Variants in USP32 observed in about 807,000 individuals in gnomAD.
USP32 encodes the protein ubiquitin carboxyl-terminal hydrolase 32.
USP32 carries 59 observed loss-of-function variants against 204.8 expected under a neutral mutation model. The ratio of observed to expected loss-of-function variants is 0.29; its 90% CI spans 0.23 to 0.36. The LOEUF is 0.36. Ranked by LOEUF, USP32 falls within the 10% of genes least tolerant of loss-of-function variation. The pLI, the probability that USP32 is intolerant of heterozygous loss-of-function variation, is 1.00. For synonymous variants in USP32, 517 were observed against 678.4 expected, an observed-to-expected ratio of 0.76 and a Z score of 3.70; for missense variants, 1,160 against 1,946.4, an observed-to-expected ratio of 0.60 and a Z score of 7.60.
intron 11 of USP32, among the ~76,000 whole-genome samples, chr17:60,251,202 C>T (rs894542163): frequency 6.6e-6 from 1 of 152,000 alleles, no homozygotes; most frequent in African/African-American, 2.4e-5. Context: ...CTTGGCTTCC[C>T]AAAGTGCTGG....
intron 30 of USP32, among the ~76,000 whole-genome samples, chr17:60,183,960 T>C (rs1038552057): frequency 4.6e-5 from 7 of 152,166 alleles, no homozygotes; most frequent in African/African-American, 1.7e-4. Context: ...TGCTTTTAAT[T>C]GTATGCTAAT....
At chr17:60,233,169 G>A (rs2085619747) in intron 12 of USP32, among the ~76,000 whole-genome samples, 1 of 152,144 alleles carries the variant, frequency 6.6e-6, no homozygotes, top group Non-Finnish European at 1.5e-5. Flanking sequence ...CTATGTACCA[G>A]ACACTGTTTT....
intron 7 of USP32, among the ~76,000 whole-genome samples, chr17:60,267,677 C>T (rs1315050910): frequency 2.0e-5 from 3 of 151,988 alleles, no homozygotes; most frequent in Admixed American, 1.3e-4. Context: ...TCCACCACCA[C>T]GCCCGGCTAA....
At chr17:60,409,080 GCTCATGC>G (rs1444981310) in intron 1 of USP32, among the ~76,000 whole-genome samples, 4 of 152,202 alleles carry the variant, frequency 2.6e-5, no homozygotes, top group African/African-American at 9.7e-5. Context: ...GGGCACAGTG[GCTCATGC>G]CTGTAATCCC....
chr17:60,238,184 C>T (rs183289015), intron 11 of USP32, among the ~76,000 whole-genome samples: 5 of 152,248 alleles, frequency 3.3e-5, no homozygotes, highest in African/African-American at 1.2e-4. Flanking sequence ...TTGATGATCA[C>T]TGAACATCTG....
At chr17:60,265,364 G>A in intron 9 of USP32, 48 bp downstream of exon 9, 1 of 1,300,508 alleles carries the variant, frequency 7.7e-7, no homozygotes, top group South Asian at 1.2e-5. Flanking sequence ...CCCAAATGGA[G>A]TACATGATAT....
chr17:60,210,357 G>A (rs1320870954), intron 21 of USP32, among the ~76,000 whole-genome samples: 1 of 151,630 alleles, frequency 6.6e-6, no homozygotes, highest in African/African-American at 2.4e-5. Flanking sequence ...TGTTGCCCAG[G>A]CTGGAGTACA....
intron 9 of USP32, among the ~76,000 whole-genome samples, chr17:60,257,274 T>C (rs373035470): frequency 1.3e-5 from 2 of 152,112 alleles, no homozygotes; most frequent in Admixed American, 6.5e-5. Context: ...AAGGAGAGGA[T>C]TGGAAAGTCC....
chr17:60,183,513 A>G lies in USP32; in HGVS notation c.3835-60T>C, dbSNP rs1260910958. 1.2e-5 allele frequency: 18 copies of G among 1,511,316 alleles called. No individual in the cohort carries two copies. In the East Asian group the frequency reaches 2.0e-4, roughly 17 times the overall value. 93.6% of individuals were successfully genotyped at this position (1,511,316 alleles called of 1,614,324 possible). A position where few individuals can be genotyped will look rare whatever the true frequency, so the allele number is the denominator to read the frequency against. ...AGGGTTCTGAAGATACAAAATTTAC[A>G]TGGAAAAAACAAGTCAAATACATGT... is the stretch of plus-strand genomic sequence containing the variant. On this transcript the variant is annotated intron_variant, in intron 30 of 33. Coordinates refer to ENST00000300896, the MANE Select transcript of USP32 (RefSeq NM_032582.4).
chr17:60,301,291 C>T (rs1048568814), intron 3 of USP32, among the ~76,000 whole-genome samples: 13 of 152,206 alleles, frequency 8.5e-5, no homozygotes, highest in Non-Finnish European at 2.9e-5. Context: ...TCCAAAGTTG[C>T]TGCACTACTT....
At chr17:60,193,363 C>T (rs367618781) in intron 27 of USP32, among the ~76,000 whole-genome samples, 7 of 152,174 alleles carry the variant, frequency 4.6e-5, no homozygotes, top group Admixed American at 3.9e-4. Context: ...TAATCAGAAT[C>T]GCTGATGTGG....
intron 1 of USP32, chr17:60,421,333 G>C (rs777259141): frequency 4.0e-5 from 39 of 978,258 alleles, no homozygotes; most frequent in Non-Finnish European, 4.6e-5. Flanking sequence ...GGACTCAAAG[G>C]GTGCTCCTCC....
intron 26 of USP32, among the ~76,000 whole-genome samples, chr17:60,199,568 C>T (rs752090915): frequency 6.6e-6 from 1 of 152,076 alleles, no homozygotes; most frequent in Non-Finnish European, 1.5e-5. Flanking sequence ...GTTAGAAAAG[C>T]TAAATCAACA....
chr17:60,200,723 A>T (rs2084656072), intron 26 of USP32, among the ~76,000 whole-genome samples: 1 of 152,232 alleles, frequency 6.6e-6, no homozygotes, highest in Non-Finnish European at 1.5e-5. Context: ...TATTATTCTA[A>T]ATGTTACAGT....
intron 26 of USP32, among the ~76,000 whole-genome samples, chr17:60,203,883 A>G (rs2084754966): frequency 6.6e-6 from 1 of 151,918 alleles, no homozygotes; most frequent in South Asian, 2.1e-4. Context: ...CCTTTCCTTT[A>G]CTTTATAAAA....
chr17:60,204,744 T>C (rs1189246492), intron 26 of USP32, among the ~76,000 whole-genome samples: 7 of 151,364 alleles, frequency 4.6e-5, no homozygotes, highest in African/African-American at 9.7e-5. Flanking sequence ...GCTGGGAGTA[T>C]AGATGTGAGC....
intron 17 of USP32, among the ~76,000 whole-genome samples, chr17:60,214,060 G>A (rs2145524079): frequency 6.6e-6 from 1 of 151,838 alleles, no homozygotes; most frequent in South Asian, 2.1e-4. Context: ...TCCTGCCTCA[G>A]CCTTCTGAGT....
At chr17:60,417,972 T>TTC (rs1481205074) in intron 1 of USP32, among the ~76,000 whole-genome samples, 7 of 148,154 alleles carry the variant, frequency 4.7e-5, no homozygotes, top group African/African-American at 1.8e-4. Context: ...TTTTTTTTTT[T>TTC]TTTGAGACGG....
chr17:60,417,090 A>T (rs558853086), intron 1 of USP32, among the ~76,000 whole-genome samples: 33 of 151,370 alleles, frequency 2.2e-4, no homozygotes, highest in African/African-American at 7.5e-4. Flanking sequence ...GTTAATTTTT[A>T]TATTTTTAGT....
Sources: allele counts gnomAD v4.1 joint callset (sites outside exome capture counted in the v4.1 genomes callset), GRCh38; gene constraint gnomAD v4.1.1; transcripts MANE v1.5; gene names NCBI Gene and HGNC (gene_info 2026-07-23, HGNC 2026-07-21).